TRIO: variants seen among roughly 807,000 people sequenced by gnomAD.
TRIO encodes trio Rho guanine nucleotide exchange factor, also known as triple functional domain protein.
Under a neutral mutation model 351.9 loss-of-function variants are expected in TRIO, and 58 were observed. The ratio of observed to expected loss-of-function variants is 0.16; its 90% CI spans 0.13 to 0.21. TRIO has a LOEUF of 0.21. Among genes scored for constraint, TRIO ranks in the 10% least tolerant of loss-of-function variants. The probability of loss-of-function intolerance (pLI) is 1.00; values close to 1 mark genes in which losing one functional copy is unlikely to be tolerated. For synonymous variants in TRIO, 1,758 were observed against 1,595.7 expected (o/e 1.10, Z -2.42); for missense variants, 3,201 against 4,027.8 (o/e 0.79, Z 5.56).
chr5:14,357,446 C>A (rs1743718224), intron 11 of TRIO, among the ~76,000 whole-genome samples: 1 of 152,236 alleles, frequency 6.6e-6, no homozygotes, highest in African/African-American at 2.4e-5. Context: ...GTAGGCTCTG[C>A]TCCCTGGCTC....
At position 14,509,198 on chromosome 5, in the gene TRIO, G is replaced by A. The variant is rs545046313; in HGVS notation, c.*776G>A. 3.8e-4 allele frequency: 113 copies of A among 296,386 alleles called. No individual in the cohort carries two copies. Among genetic ancestry groups the A allele is most frequent in the African/African-American group, 2.4e-3 (102 of 43,304 alleles). The allele number at this position is 296,386 out of a possible 1,614,324, so 18.4% of individuals were successfully genotyped here. On this transcript the variant is annotated 3_prime_UTR_variant, in exon 57 of 57. Transcript: ENST00000344204. Reference sequence around the variant, plus strand: ...CCCAAGCCGTCAATCAGATTGTGGAGCAGTACACAGTCAGATGAAAATACT... The same window carrying A: ...CCCAAGCCGTCAATCAGATTGTGGAACAGTACACAGTCAGATGAAAATACT...
chr5:14,461,637 C>A (rs946087495), intron 35 of TRIO, among the ~76,000 whole-genome samples: 1 of 152,196 alleles, frequency 6.6e-6, no homozygotes, highest in Non-Finnish European at 1.5e-5. Context: ...TGGACCCTCT[C>A]CTCCCCACTC....
chr5:14,479,135 C>A (rs1482844611), intron 41 of TRIO, 126 bp from the exon 42 acceptor site: 3 of 765,890 alleles, frequency 3.9e-6, no homozygotes, highest in Middle Eastern at 4.5e-4. Flanking sequence ...CTCCCGAGAG[C>A]CTTAGCTGTG....
At chr5:14,464,633 G>C (rs1754110252) in intron 36 of TRIO, among the ~76,000 whole-genome samples, 1 of 151,972 alleles carries the variant, frequency 6.6e-6, no homozygotes, top group Non-Finnish European at 1.5e-5. Context: ...CATTTGTTTT[G>C]CAAAGTGCAT....
At chr5:14,402,274 T>A (rs961279694) in intron 31 of TRIO, among the ~76,000 whole-genome samples, 1 of 152,214 alleles carries the variant, frequency 6.6e-6, no homozygotes, top group African/African-American at 2.4e-5. Context: ...CAAAAAATAG[T>A]GACAGATACT....
intron 34 of TRIO, among the ~76,000 whole-genome samples, chr5:14,459,430 T>C (rs1222849328): frequency 6.6e-6 from 1 of 152,232 alleles, no homozygotes. Context: ...GGTCACTTCA[T>C]TCCATGCCAC....
intron 34 of TRIO, among the ~76,000 whole-genome samples, chr5:14,459,474 G>A (rs1753608194): frequency 6.6e-6 from 1 of 152,264 alleles, no homozygotes; most frequent in Non-Finnish European, 1.5e-5. Context: ...AGCTCAGGAA[G>A]GGGCCCAGCA....
At chr5:14,255,752 G>A (rs1257674255) in intron 1 of TRIO, among the ~76,000 whole-genome samples, 2 of 152,156 alleles carry the variant, frequency 1.3e-5, no homozygotes, top group Non-Finnish European at 1.5e-5. Context: ...TGTACATAAA[G>A]TTTTGATGTG....
At chr5:14,169,837 TG>T (rs1788994803) in intron 1 of TRIO, among the ~76,000 whole-genome samples, 1 of 152,230 alleles carries the variant, frequency 6.6e-6, no homozygotes, top group African/African-American at 2.4e-5. Context: ...TGATTGTACT[TG>T]AAACATGCAG....
intron 31 of TRIO, among the ~76,000 whole-genome samples, chr5:14,405,122 C>A (rs57640930): frequency 6.6e-6 from 1 of 151,010 alleles, no homozygotes; most frequent in African/African-American, 2.4e-5. Context: ...CAAGTGATGT[C>A]GTGCGTGCTC....
chr5:14,368,148 G>T (rs150236731), intron 16 of TRIO, among the ~76,000 whole-genome samples: 1 of 152,300 alleles, frequency 6.6e-6, no homozygotes, highest in Non-Finnish European at 1.5e-5. Context: ...CATTTGCCAT[G>T]CCATTTGCAT....
intron 1 of TRIO, among the ~76,000 whole-genome samples, chr5:14,212,157 A>G (rs1269481449): frequency 6.6e-6 from 1 of 152,076 alleles, no homozygotes; most frequent in Non-Finnish European, 1.5e-5. Flanking sequence ...AAAAAAAGGC[A>G]AATTAATGGT....
At chr5:14,280,265 A>G in intron 2 of TRIO, 57 bp from the exon 3 acceptor site, 1 of 1,514,936 alleles carries the variant, frequency 6.6e-7, no homozygotes, top group Admixed American at 1.7e-5. Context: ...ATGGATGATA[A>G]CATAGGATTT....
chr5:14,354,898 C>G (rs1743476396), intron 11 of TRIO, among the ~76,000 whole-genome samples: 1 of 152,180 alleles, frequency 6.6e-6, no homozygotes, highest in Non-Finnish European at 1.5e-5. Flanking sequence ...TTCAGTGAAG[C>G]AAATGTATTC....
intron 38 of TRIO, among the ~76,000 whole-genome samples, 158 bp from the exon 39 acceptor site, chr5:14,472,434 T>C (rs922103825): frequency 2.0e-5 from 3 of 152,244 alleles, no homozygotes; most frequent in Admixed American, 2.0e-4. Flanking sequence ...CTTGAACCTG[T>C]AAGTGATTTG....
chr5:14,318,819 A>G (rs1325865865), intron 9 of TRIO, among the ~76,000 whole-genome samples: 1 of 152,234 alleles, frequency 6.6e-6, no homozygotes, highest in African/African-American at 2.4e-5. Flanking sequence ...CATTCCTTGT[A>G]TCCCTTAGGT....
chr5:14,405,479 C>T (rs1045299578), intron 31 of TRIO, among the ~76,000 whole-genome samples: 1 of 152,154 alleles, frequency 6.6e-6, no homozygotes, highest in Non-Finnish European at 1.5e-5. Context: ...GCAGTATGCC[C>T]CCTACTGACC....
rs115843292 is a variant in TRIO, at chr5:14,460,848, A to G, written c.5204-171A>G. Among the ~76,000 whole-genome samples the G allele has an allele frequency of 1.2e-3, 186 of 152,296 alleles. 1 individual carries two copies. The highest frequency in any genetic ancestry group is 4.1e-3 in the African/African-American group (171 of 41,552). ...ACTCAGGTTTGCTACACATTTGAGAAGAGAGTGCGTGTAAAGCATCAGCCC... is the reference window on the plus strand; with the variant it reads ...ACTCAGGTTTGCTACACATTTGAGAGGAGAGTGCGTGTAAAGCATCAGCCC... On this transcript the variant is annotated intron_variant, in intron 34 of 56. Transcript: ENST00000344204.
In TRIO at chr5:14,286,747, TC is replaced by T; in HGVS notation, c.348-120del. On this transcript the variant is annotated intron_variant, in intron 3 of 56. Transcript: ENST00000344204. The surrounding 1 kb of genome is among the most constrained non-coding windows in gnomAD (Gnocchi z 4.4). The stretch of plus-strand genomic sequence containing the variant: ...AAGGAGCTGAGCACAGTGTGCTCCT[TC>T]CCCTGCCTCCGCACGTGTCCAGCAG... 1 of 974,388 alleles carries T rather than the reference TC, an allele frequency of 1.0e-6. No individual in the cohort carries two copies. The highest frequency in any genetic ancestry group is 1.5e-6 in the Non-Finnish European group (1 of 665,684). 60.4% of individuals were successfully genotyped at this position (974,388 alleles called of 1,614,324 possible).
Sources: allele counts gnomAD v4.1 joint callset (sites outside exome capture counted in the v4.1 genomes callset), GRCh38; gene constraint gnomAD v4.1.1; non-coding constraint Gnocchi (gnomAD v3.1); transcripts MANE v1.5; gene names NCBI Gene and HGNC (gene_info 2026-07-23, HGNC 2026-07-21).